The following TMEM117 variants were observed in gnomAD, a reference collection of about 807,000 sequenced individuals.
TMEM117 encodes the protein transmembrane protein 117.
In TMEM117, 27 loss-of-function variants were observed where a neutral mutation model predicts 52.4. The observed-to-expected ratio is 0.51, with a 90% CI of 0.38 to 0.71. TMEM117 has a LOEUF of 0.71. Among genes scored for constraint, TMEM117 ranks in the 30% least tolerant of loss-of-function variants. The pLI, the probability that TMEM117 is intolerant of heterozygous loss-of-function variation, is 0.00. For synonymous variants in TMEM117, 215 were observed against 206.3 expected (o/e 1.04, Z -0.36); for missense variants, 556 against 630.5 (o/e 0.88, Z 1.26).
At chr12:43,947,099 T>C (rs960449366) in intron 3 of TMEM117, among the ~76,000 whole-genome samples, 9 of 152,318 alleles carry the variant, frequency 5.9e-5, no homozygotes, top group African/African-American at 2.2e-4. Context: ...TTTGGGAGGC[T>C]GAGGCAGCAG....
chr12:44,245,268 A>C (rs1950114824), intron 5 of TMEM117, among the ~76,000 whole-genome samples: 1 of 151,382 alleles, frequency 6.6e-6, no homozygotes, highest in South Asian at 2.1e-4. Context: ...AATTGCCTTG[A>C]CTCTGTAGAT....
the TMEM117 span, among the ~76,000 whole-genome samples, chr12:43,822,392 A>G: frequency 2.6e-4 from 40 of 152,066 alleles, no homozygotes; most frequent in African/African-American, 9.7e-4. Context: ...TCCAGTAATG[A>G]TTTAGCACAG....
the TMEM117 span, among the ~76,000 whole-genome samples, chr12:43,813,346 C>T: frequency 1.4e-5 from 2 of 147,634 alleles, no homozygotes; most frequent in South Asian, 2.2e-4. Context: ...CCAGTTCAAG[C>T]GATTCTCCTG....
At chr12:44,347,559 G>C (rs1951504493) in intron 6 of TMEM117, among the ~76,000 whole-genome samples, 1 of 152,014 alleles carries the variant, frequency 6.6e-6, no homozygotes, top group South Asian at 2.1e-4. Flanking sequence ...TCTCTGGAGA[G>C]ACAATCATCA....
chr12:44,018,449 A>G (rs1359567990), intron 3 of TMEM117, among the ~76,000 whole-genome samples: 1 of 152,220 alleles, frequency 6.6e-6, no homozygotes, highest in Admixed American at 6.5e-5. Context: ...ACTATATTAG[A>G]TGAAACACAT....
At chr12:44,057,864 C>A (rs1271579763) in intron 3 of TMEM117, among the ~76,000 whole-genome samples, 1 of 152,108 alleles carries the variant, frequency 6.6e-6, no homozygotes. Context: ...CTGTGTAAAG[C>A]TGATTTCTTC....
chr12:44,184,752 C>G (rs1949253266), intron 4 of TMEM117, among the ~76,000 whole-genome samples: 1 of 152,182 alleles, frequency 6.6e-6, no homozygotes, highest in Non-Finnish European at 1.5e-5. Flanking sequence ...TGTGGCTTTT[C>G]TGGTTTTCTG....
intron 6 of TMEM117, among the ~76,000 whole-genome samples, chr12:44,328,389 C>T (rs926139680): frequency 1.3e-4 from 20 of 152,140 alleles, no homozygotes; most frequent in Non-Finnish European, 2.4e-4. Context: ...TTAAGAATTT[C>T]AGCACTGTTA....
At chr12:44,020,662 G>A (rs1326666471) in intron 3 of TMEM117, among the ~76,000 whole-genome samples, 1 of 152,266 alleles carries the variant, frequency 6.6e-6, no homozygotes, top group East Asian at 1.9e-4. Context: ...GATTTTTTAT[G>A]TAAATTTCAA....
Position 44,234,976 on chromosome 12 carries a change from A to G in TMEM117, c.608+23589A>G, listed in dbSNP as rs1264214338. On this transcript the variant is annotated intron_variant, in intron 5 of 7. Coordinates refer to ENST00000266534, the MANE Select transcript of TMEM117 (RefSeq NM_032256.3). The stretch of plus-strand genomic sequence containing the variant: ...AGGTTATGTTTATTAACTGTGTTCA[A>G]TTCATCTATATTTTTACCATTTTTA... Among the ~76,000 whole-genome samples the G allele has an allele frequency of 2.6e-5, 4 of 151,418 alleles. No homozygotes were observed. The South Asian group carries it at 6.2e-4, about 24-fold the overall frequency.
At chr12:44,243,027 A>T (rs1434669119) in intron 5 of TMEM117, among the ~76,000 whole-genome samples, 1 of 151,756 alleles carries the variant, frequency 6.6e-6, no homozygotes, top group African/African-American at 2.4e-5. Context: ...ATTTTTTCAT[A>T]TCCTTGTTGG....
intron 2 of TMEM117, among the ~76,000 whole-genome samples, chr12:43,869,249 T>C (rs1475401541): frequency 6.6e-6 from 1 of 152,116 alleles, no homozygotes; most frequent in Non-Finnish European, 1.5e-5. Flanking sequence ...CCTTTTTTTG[T>C]GCTCTTGGGG....
intron 3 of TMEM117, among the ~76,000 whole-genome samples, chr12:44,024,461 G>A (rs1289499173): frequency 6.6e-6 from 1 of 152,082 alleles, no homozygotes; most frequent in African/African-American, 2.4e-5. Context: ...ATGAGAACAA[G>A]TTAAGAAACA....
At chr12:44,126,309 T>G (rs993603918) in intron 3 of TMEM117, among the ~76,000 whole-genome samples, 25 of 152,250 alleles carry the variant, frequency 1.6e-4, no homozygotes, top group African/African-American at 5.8e-4. Context: ...GTCAACTGTA[T>G]GTGCTTTTAT....
chr12:44,170,236 T>A (rs1411508626), intron 4 of TMEM117, among the ~76,000 whole-genome samples: 1 of 135,392 alleles, frequency 7.4e-6, no homozygotes, highest in Admixed American at 8.7e-5. Flanking sequence ...TAGGTGGGAA[T>A]TGAACAATGA....
At chr12:44,330,530 TGATGA>T (rs1951255509) in intron 6 of TMEM117, among the ~76,000 whole-genome samples, 1 of 152,100 alleles carries the variant, frequency 6.6e-6, no homozygotes, top group African/African-American at 2.4e-5. Flanking sequence ...ATAAAATTAT[TGATGA>T]GATATTTTAC....
At chr12:44,339,931 A>G (rs1436147268) in intron 6 of TMEM117, among the ~76,000 whole-genome samples, 1 of 152,072 alleles carries the variant, frequency 6.6e-6, no homozygotes, top group Non-Finnish European at 1.5e-5. Context: ...AAGTGAAGAA[A>G]TATATATGCA....
chr12:44,030,559 G>A (rs960357487), intron 3 of TMEM117, among the ~76,000 whole-genome samples: 31 of 152,210 alleles, frequency 2.0e-4, no homozygotes, highest in Non-Finnish European at 4.4e-5. Flanking sequence ...TGTAAGAAAA[G>A]TGAAATGTGT....
chr12:43,882,023 G>T (rs957474007), intron 2 of TMEM117, among the ~76,000 whole-genome samples: 1 of 151,846 alleles, frequency 6.6e-6, no homozygotes, highest in Non-Finnish European at 1.5e-5. Context: ...AGTGAGCCCA[G>T]ATCGAGCCAC....
Sources: gnomAD v4.1 joint callset for allele counts (sites outside exome capture counted in the v4.1 genomes callset) on GRCh38, gnomAD v4.1.1 for gene constraint, MANE v1.5 for transcripts, NCBI Gene and HGNC (gene_info 2026-07-23, HGNC 2026-07-21) for gene names.